The following HAPSTR1 variants were observed in gnomAD, a reference collection of about 807,000 sequenced individuals.
The protein encoded by HAPSTR1 is HUWE1 associated protein modifying stress responses.
the HAPSTR1 span, among the ~76,000 whole-genome samples, chr16:9,092,746 C>T: frequency 6.6e-6 from 1 of 152,188 alleles, no homozygotes; most frequent in South Asian, 2.1e-4. Context: ...CTCCCTGCCC[C>T]CCCGGTCCTC....
the HAPSTR1 span, among the ~76,000 whole-genome samples, chr16:9,114,944 G>T: frequency 3.5e-4 from 54 of 152,218 alleles, no homozygotes; most frequent in Non-Finnish European, 4.4e-5. Flanking sequence ...GCCTTGGAAA[G>T]GTTGAGAGGC....
At chr16:9,105,643 G>A in the HAPSTR1 span, 1 of 151,166 alleles carries the variant, frequency 6.6e-6, no homozygotes, top group African/African-American at 2.5e-5. Flanking sequence ...AAATGTATTT[G>A]GAAACACCAT....
the HAPSTR1 span, chr16:9,092,149 C>G: frequency 1.3e-6 from 2 of 1,560,656 alleles, no homozygotes; most frequent in African/African-American, 1.4e-5. Context: ...CCGAACAGGA[C>G]GAGCAGCTGC....
At chr16:9,106,214 C>A in the HAPSTR1 span, 1 of 151,866 alleles carries the variant, frequency 6.6e-6, no homozygotes, top group Admixed American at 6.6e-5. Flanking sequence ...TTTGAGACCA[C>A]CCTGGCCAAC....
At chr16:9,112,290 C>T in the HAPSTR1 span, 3 of 152,226 alleles carry the variant, frequency 2.0e-5, no homozygotes, top group South Asian at 6.2e-4. Context: ...TAGTGCAATT[C>T]ATTTCCAATG....
chr16:9,094,101 T>G, the HAPSTR1 span, among the ~76,000 whole-genome samples: 1 of 152,140 alleles, frequency 6.6e-6, no homozygotes, highest in South Asian at 2.1e-4. Context: ...CAGCATCTTG[T>G]AGGAAAAAAT....
At chr16:9,100,289 A>G in the HAPSTR1 span, among the ~76,000 whole-genome samples, 7 of 152,214 alleles carry the variant, frequency 4.6e-5, no homozygotes, top group Non-Finnish European at 1.0e-4. Context: ...CCAGGCCACT[A>G]GTGATTACTG....
the HAPSTR1 span, chr16:9,110,204 A>G: frequency 1.4e-5 from 2 of 143,296 alleles, no homozygotes; most frequent in African/African-American, 5.3e-5. Flanking sequence ...GTGGACTTAC[A>G]TGGAACTTCT....
the HAPSTR1 span, chr16:9,110,329 G>C: frequency 2.6e-5 from 4 of 152,176 alleles, no homozygotes; most frequent in African/African-American, 9.6e-5. Flanking sequence ...GGTTGGATAG[G>C]AATGTTTTAG....
the HAPSTR1 span, among the ~76,000 whole-genome samples, chr16:9,100,271 C>A: frequency 5.8e-3 from 882 of 152,284 alleles, 8 homozygotes; most frequent in African/African-American, 0.02. Flanking sequence ...AAGTGTCTTA[C>A]ATCTAAGCCA....
chr16:9,092,028 G>T, the HAPSTR1 span: 1 of 1,493,420 alleles, frequency 6.7e-7, no homozygotes, highest in Non-Finnish European at 9.0e-7. Flanking sequence ...CGGCGAGGCC[G>T]CGGGAGGCCG....
the HAPSTR1 span, chr16:9,107,070 C>A: frequency 2.6e-5 from 4 of 152,282 alleles, no homozygotes; most frequent in African/African-American, 9.6e-5. Flanking sequence ...ACTTCCAAAT[C>A]TGGACCTCTC....
the HAPSTR1 span, among the ~76,000 whole-genome samples, chr16:9,098,689 C>T: frequency 2.6e-5 from 4 of 152,144 alleles, no homozygotes; most frequent in African/African-American, 9.7e-5. Context: ...AAATATTTTT[C>T]TGTGTGGTGG....
chr16:9,091,677 C>A, the HAPSTR1 span: 1 of 398,824 alleles, frequency 2.5e-6, no homozygotes, highest in African/African-American at 2.1e-5. Flanking sequence ...CGGTGCAGGC[C>A]GAGCTGCGCG....
the HAPSTR1 span, among the ~76,000 whole-genome samples, chr16:9,115,655 T>G: frequency 6.6e-6 from 1 of 152,206 alleles, no homozygotes; most frequent in Non-Finnish European, 1.5e-5. Flanking sequence ...GGAGTTTCGC[T>G]CTTGTCACCC....
At chr16:9,092,371 G>A in the HAPSTR1 span, 1 of 1,082,314 alleles carries the variant, frequency 9.2e-7, no homozygotes, top group Non-Finnish European at 1.2e-6. Flanking sequence ...CCGCGACGGC[G>A]GCGGCCTCGG....
chr16:9,119,777 A>G, the HAPSTR1 span: 12 of 152,352 alleles, frequency 7.9e-5, no homozygotes, highest in African/African-American at 2.9e-4. Context: ...TTAGGCTTTT[A>G]AAAAAGAATT....
the HAPSTR1 span, chr16:9,118,231 A>G: frequency 1.3e-5 from 2 of 152,648 alleles, no homozygotes; most frequent in Non-Finnish European, 1.5e-5. Flanking sequence ...TATATTATAT[A>G]TCAAGTAGGA....
At chr16:9,101,701 T>C in the HAPSTR1 span, among the ~76,000 whole-genome samples, 1 of 152,048 alleles carries the variant, frequency 6.6e-6, no homozygotes, top group Non-Finnish European at 1.5e-5. Flanking sequence ...TTTTCTTTAA[T>C]AGTGCAAATT....
Sources: gnomAD v4.1 joint callset for allele counts (sites outside exome capture counted in the v4.1 genomes callset) on GRCh38, gnomAD v4.1.1 for gene constraint, MANE v1.5 for transcripts, NCBI Gene and HGNC (gene_info 2026-07-23, HGNC 2026-07-21) for gene names.